Variants in FHIT observed in about 807,000 individuals in gnomAD.
FHIT encodes fragile histidine triad diadenosine triphosphatase.
In FHIT, 19 loss-of-function variants were observed where a neutral mutation model predicts 17.9. The ratio of observed to expected loss-of-function variants is 1.06; its 90% confidence interval spans 0.74 to 1.56. FHIT has a LOEUF of 1.56. Among genes scored for constraint, FHIT ranks in the 40% most tolerant of loss-of-function variants. The probability of loss-of-function intolerance (pLI) is 0.00; values close to 1 mark genes in which losing one functional copy is unlikely to be tolerated. For synonymous variants in FHIT, 81 were observed against 69.7 expected (o/e 1.16, Z -0.81); for missense variants, 248 against 189.2 (o/e 1.31, Z -1.82).
intron 5 of FHIT, among the ~76,000 whole-genome samples, chr3:60,479,089 A>T (rs1224129951): frequency 6.6e-6 from 1 of 152,210 alleles, no homozygotes; most frequent in African/African-American, 2.4e-5. Context: ...GGGAGAAAAG[A>T]GATTTGAAAA....
At chr3:60,111,648 T>G (rs567372098) in intron 5 of FHIT, among the ~76,000 whole-genome samples, 17 of 152,350 alleles carry the variant, frequency 1.1e-4, no homozygotes, top group African/African-American at 3.8e-4. Flanking sequence ...AAATTCAGTG[T>G]TTTTGTCCAA....
chr3:60,446,054 A>G (rs2031308903), intron 5 of FHIT, among the ~76,000 whole-genome samples: 1 of 152,170 alleles, frequency 6.6e-6, no homozygotes, highest in Admixed American at 6.6e-5. Context: ...AAATGCCTAC[A>G]GTACAAGTAG....
At chr3:60,789,965 A>T (rs1317030342) in intron 4 of FHIT, among the ~76,000 whole-genome samples, 3 of 152,224 alleles carry the variant, frequency 2.0e-5, no homozygotes, top group Non-Finnish European at 4.4e-5. Flanking sequence ...AGCGTCAAAA[A>T]GGTCACTTGT....
At chr3:60,946,801 C>T (rs1412354344) in intron 3 of FHIT, among the ~76,000 whole-genome samples, 1 of 152,088 alleles carries the variant, frequency 6.6e-6, no homozygotes, top group East Asian at 1.9e-4. Context: ...GGGGAAGCCT[C>T]CTTAAGAGTT....
chr3:60,126,434 A>C (rs1009235028), intron 5 of FHIT, among the ~76,000 whole-genome samples: 1 of 152,186 alleles, frequency 6.6e-6, no homozygotes, highest in Admixed American at 6.5e-5. Flanking sequence ...ATACAGTAAC[A>C]AACAAACAAG....
chr3:59,753,614 T>G (rs1701040214), intron 8 of FHIT, among the ~76,000 whole-genome samples: 1 of 152,232 alleles, frequency 6.6e-6, no homozygotes, highest in Non-Finnish European at 1.5e-5. Flanking sequence ...TGTTATGTGT[T>G]AAAAGTCATT....
intron 4 of FHIT, among the ~76,000 whole-genome samples, chr3:60,724,051 CAT>C (rs1295022572): frequency 1.4e-4 from 21 of 152,320 alleles, no homozygotes; most frequent in African/African-American, 5.1e-4. Flanking sequence ...GATTTATATT[CAT>C]AGAGTCGTGC....
At chr3:60,093,664 A>G (rs1253065224) in intron 5 of FHIT, among the ~76,000 whole-genome samples, 2 of 152,194 alleles carry the variant, frequency 1.3e-5, no homozygotes, top group Non-Finnish European at 2.9e-5. Context: ...CTATCAGATC[A>G]GCAGCAGCAT....
At chr3:60,231,344 CAATT>C (rs1704486831) in intron 5 of FHIT, among the ~76,000 whole-genome samples, 3 of 152,114 alleles carry the variant, frequency 2.0e-5, no homozygotes, top group Admixed American at 6.5e-5. Flanking sequence ...CATATAAATT[CAATT>C]AATTATTTTA....
intron 4 of FHIT, among the ~76,000 whole-genome samples, chr3:60,771,423 G>C (rs1417686387): frequency 6.6e-6 from 1 of 152,170 alleles, no homozygotes; most frequent in Non-Finnish European, 1.5e-5. Context: ...AACAGGAACG[G>C]AGTGGTCTGC....
intron 2 of FHIT, among the ~76,000 whole-genome samples, chr3:61,128,346 A>G (rs2036670034): frequency 6.6e-6 from 1 of 152,202 alleles, no homozygotes; most frequent in Non-Finnish European, 1.5e-5. Context: ...CTATTTCTTC[A>G]ATTACAAATG....
chr3:59,926,938 G>C (rs1333404213), intron 7 of FHIT, among the ~76,000 whole-genome samples: 1 of 152,128 alleles, frequency 6.6e-6, no homozygotes, highest in Non-Finnish European at 1.5e-5. Flanking sequence ...GTTGAACATG[G>C]AGTTACCTTG....
intron 8 of FHIT, 47 bp downstream of exon 8, chr3:59,922,299 C>G: frequency 6.9e-7 from 1 of 1,449,126 alleles, no homozygotes; most frequent in East Asian, 2.3e-5. Context: ...GTCATCCCAC[C>G]GACAGTCCCC....
intron 7 of FHIT, among the ~76,000 whole-genome samples, chr3:59,925,058 T>C (rs1003624814): frequency 3.3e-5 from 5 of 152,010 alleles, no homozygotes; most frequent in Admixed American, 2.6e-4. Context: ...TTTTCTCTTT[T>C]TTCTTTTCCT....
chr3:60,694,627 C>A (rs189058505), intron 4 of FHIT, among the ~76,000 whole-genome samples: 1 of 152,102 alleles, frequency 6.6e-6, no homozygotes, highest in Non-Finnish European at 1.5e-5. Context: ...ATGTTTATTG[C>A]GGCACTATTC....
chr3:60,133,424 G>A (rs1699681884), intron 5 of FHIT, among the ~76,000 whole-genome samples: 1 of 152,184 alleles, frequency 6.6e-6, no homozygotes, highest in South Asian at 2.1e-4. Context: ...CAGGGAATGA[G>A]TTGGGGCAAG....
intron 7 of FHIT, 130 bp downstream of exon 7, chr3:60,011,241 C>A (rs1700124867): frequency 1.3e-6 from 1 of 793,166 alleles, no homozygotes; most frequent in South Asian, 1.6e-5. Context: ...ACGGCTCTAA[C>A]ACTGAGGGTC....
At chr3:60,441,756 A>AT (rs1415725744) in intron 5 of FHIT, among the ~76,000 whole-genome samples, 12 of 58,130 alleles carry the variant, frequency 2.1e-4, no homozygotes, top group Non-Finnish European at 3.6e-4. Flanking sequence ...ATATATATAA[A>AT]AATATATATA....
intron 5 of FHIT, among the ~76,000 whole-genome samples, chr3:60,303,982 G>A (rs1402299458): frequency 6.6e-6 from 1 of 152,098 alleles, no homozygotes; most frequent in Non-Finnish European, 1.5e-5. Context: ...AATGAGATGG[G>A]AATTCTTGTA....
Sources: allele counts gnomAD v4.1 joint callset (sites outside exome capture counted in the v4.1 genomes callset), GRCh38; gene constraint gnomAD v4.1.1; transcripts MANE v1.5; gene names NCBI Gene and HGNC (gene_info 2026-07-23, HGNC 2026-07-21).